Variants in CCNB3 observed in about 807,000 individuals in gnomAD.
The protein encoded by CCNB3 is cyclin B3.
CCNB3 carries 12 observed loss-of-function variants against 68.0 expected under a neutral mutation model. That is an observed-to-expected ratio of 0.18 (90% CI 0.11 to 0.29). The LOEUF (loss-of-function observed/expected upper bound fraction) is 0.29. Among genes scored for constraint, CCNB3 ranks in the 10% least tolerant of loss-of-function variants. CCNB3 has a pLI of 1.00. For synonymous variants in CCNB3, 354 were observed against 388.9 expected, an observed-to-expected ratio of 0.91 and a Z score of 1.06; for missense variants, 904 against 993.1, an observed-to-expected ratio of 0.91 and a Z score of 1.21.
intron 1 of CCNB3, among the ~76,000 whole-genome samples, chrX:50,228,025 AATAT>A (rs1181709306): frequency 1.0e-4 from 9 of 85,924 alleles, no homozygotes; most frequent in Non-Finnish European, 1.7e-4. Context: ...ATATAGAGAG[AATAT>A]ATATAGAGAG....
At chrX:50,226,048 A>G (rs1230668569) in intron 1 of CCNB3, among the ~76,000 whole-genome samples, 4 of 82,962 alleles carry the variant, frequency 4.8e-5, no homozygotes, top group African/African-American at 1.7e-4. Flanking sequence ...TATATATACA[A>G]ATATATATAG....
chrX:50,280,987 C>G (rs1936126397), intron 1 of CCNB3, among the ~76,000 whole-genome samples: 1 of 110,108 alleles, frequency 9.1e-6, no homozygotes, highest in Non-Finnish European at 1.9e-5. Flanking sequence ...TCTCCAACTC[C>G]TGTCCTCAAG....
rs73493797 is a variant in CCNB3 at position 50,285,045 on chromosome X, T to C, written c.-37-82T>C. Reference sequence around the variant, plus strand: ...TGTTTTCTCCTAGGGATGCTATAGATAGACTGGGTTTTCTCAAGAATTTTC... The same window carrying C: ...TGTTTTCTCCTAGGGATGCTATAGACAGACTGGGTTTTCTCAAGAATTTTC... On this transcript the variant is annotated intron_variant, in intron 2 of 12. Coordinates refer to ENST00000376042, the MANE Select transcript of CCNB3 (RefSeq NM_033031.3). The C allele has an allele frequency of 7.3e-3, 3,928 of 540,084 alleles. 107 individuals carry two copies. The African/African-American group carries it at 0.082, about 11-fold the overall frequency. 44.5% of individuals were successfully genotyped at this position (540,084 alleles called of 1,213,427 possible).
intron 8 of CCNB3, among the ~76,000 whole-genome samples, chrX:50,323,401 A>G (rs1922134382): frequency 1.2e-5 from 1 of 86,844 alleles, no homozygotes; most frequent in African/African-American, 4.2e-5. Context: ...GGAACATCAC[A>G]CACTGGGGCC....
At chrX:50,222,461 G>T (rs1935687811) in intron 1 of CCNB3, among the ~76,000 whole-genome samples, 1 of 111,185 alleles carries the variant, frequency 9.0e-6, no homozygotes, top group Non-Finnish European at 1.9e-5. Flanking sequence ...GGCAGGCCTG[G>T]TGGTGACAAA....
chrX:50,332,075 C>T (rs993792781), intron 8 of CCNB3, among the ~76,000 whole-genome samples: 8 of 111,866 alleles, frequency 7.2e-5, no homozygotes, highest in African/African-American at 2.6e-4. Flanking sequence ...TAGCCTTTTT[C>T]CCAATCAAAA....
intron 1 of CCNB3, among the ~76,000 whole-genome samples, chrX:50,279,320 T>TTTA (rs1335828213): frequency 0.019 from 1,380 of 73,305 alleles, 33 homozygotes; most frequent in African/African-American, 0.081. Context: ...ATTTAATATA[T>TTTA]ATTTAAATAT....
At chrX:50,347,872 G>T in intron 11 of CCNB3, 97 bp downstream of exon 11, 1 of 899,018 alleles carries the variant, frequency 1.1e-6, no homozygotes, top group Non-Finnish European at 1.5e-6. Context: ...GGAAACTCTT[G>T]GGGACAAAAC....
chrX:50,207,752 A>T (rs1461020569), intron 1 of CCNB3, among the ~76,000 whole-genome samples: 7 of 112,111 alleles, frequency 6.2e-5, no homozygotes. Flanking sequence ...GCTTTGTTGA[A>T]ATATGATTCA....
chrX:50,209,611 C>T (rs1935450628), intron 1 of CCNB3, among the ~76,000 whole-genome samples: 1 of 112,183 alleles, frequency 8.9e-6, no homozygotes, highest in East Asian at 2.8e-4. Flanking sequence ...CCGCCTTGGT[C>T]TCCCAAAGTG....
At chrX:50,281,837 G>A (rs1936141814) in intron 1 of CCNB3, among the ~76,000 whole-genome samples, 1 of 111,338 alleles carries the variant, frequency 9.0e-6, no homozygotes, top group South Asian at 3.8e-4. Context: ...CATGTCTTTT[G>A]AGCTACAGGT....
Position 50,347,541 on chromosome X carries a change from G to T in CCNB3, c.3811-85G>T. The T allele has an allele frequency of 7.3e-6, 7 of 960,233 alleles. No individual in the cohort carries two copies. In the South Asian group the frequency reaches 1.6e-4, roughly 22 times the overall value. 79.1% of individuals were successfully genotyped at this position (960,233 alleles called of 1,213,427 possible). ...CTCAAACAGAGGGCCACTGAGGCTC[G>T]GGATGATGTAACTGGAGAGGGAGTC... On this transcript the variant is annotated intron_variant, in intron 10 of 12. Coordinates refer to ENST00000376042, the MANE Select transcript of CCNB3 (RefSeq NM_033031.3).
rs17003323 is a variant in CCNB3 at position 50,344,462 on chromosome X, G to T, written c.3654+2123G>T. 3.9e-3 allele frequency among the ~76,000 whole-genome samples: 442 copies of T among 112,538 alleles called. 4 individuals carry two copies. Among genetic ancestry groups the T allele is most frequent in the African/African-American group, 0.014 (419 of 30,994 alleles). On this transcript the variant is annotated intron_variant, in intron 9 of 12. Transcript: ENST00000376042. ...CCCTCTTCCCAAAGCAGAGAAGCTG[G>T]TGTTGGTTGGCAATGGTGGTGTATT... is the stretch of plus-strand genomic sequence containing the variant.
intron 8 of CCNB3, among the ~76,000 whole-genome samples, chrX:50,336,368 G>A (rs957322549): frequency 8.9e-6 from 1 of 112,052 alleles, no homozygotes; most frequent in Admixed American, 9.4e-5. Context: ...GTAAGTCGGT[G>A]TTTCACCTGG....
intron 10 of CCNB3, 111 bp downstream of exon 10, chrX:50,346,918 G>A: frequency 1.2e-6 from 1 of 806,969 alleles, no homozygotes; most frequent in East Asian, 3.6e-5. Flanking sequence ...CAGGCAGCAG[G>A]GAGCTTTCTC....
intron 8 of CCNB3, among the ~76,000 whole-genome samples, chrX:50,323,312 C>T (rs1472113265): frequency 9.2e-6 from 1 of 108,922 alleles, no homozygotes; most frequent in African/African-American, 3.3e-5. Context: ...AGCAAACTAT[C>T]GCAAGGACAA....
rs2147062856 is a variant in CCNB3, at chrX:50,310,695, G to T, written c.2526G>T (p.Glu842Asp). The change falls in exon 6 of 13, where the codon GAG becomes GAT. Residue 842 changes from glutamate to aspartate, a missense_variant. Physicochemically the swap from Glu to Asp is conservative, Grantham distance 45. This residue lies in a region of CCNB3 where 619 missense variants were observed against 609.8 expected (regional missense o/e 1.02). Transcript: ENST00000376042. ...ALQEEPSTEK[E>D]AVLKEPSVDT... Reference sequence around the variant, plus strand: ...AGGAGGAGCCCAGCACTGAGAAGGAGGCTGTCCTCAAGGAGCCCAGTGTTG... The same window carrying T: ...AGGAGGAGCCCAGCACTGAGAAGGATGCTGTCCTCAAGGAGCCCAGTGTTG... 8 of 1,209,642 alleles carry T rather than the reference G, an allele frequency of 6.6e-6. No homozygotes were observed. The highest frequency in any genetic ancestry group is 8.9e-6 in the Non-Finnish European group (8 of 894,812).
At chrX:50,223,502 TC>T (rs1469437403) in intron 1 of CCNB3, among the ~76,000 whole-genome samples, 2 of 112,298 alleles carry the variant, frequency 1.8e-5, no homozygotes, top group East Asian at 5.6e-4. Context: ...TTGTTAGTTT[TC>T]CTTCTAACAG....
In CCNB3 at chrX:50,310,226, G is replaced by A; in HGVS notation, c.2057G>A (p.Ser686Asn). ...FSLHVKHTNK[S>N]GSLFQEALVL... ...TTGCATGTTAAGCATACCAACAAAA[G>A]TGGGTCCCTCTTCCAGGAGGCTTTG... The change falls in exon 6 of 13, where the codon AGT (serine) becomes AAT (asparagine). Residue 686 changes from serine to asparagine, a missense_variant. Ser to Asn is a conservative substitution (Grantham distance 46). Transcript: ENST00000376042. 8.3e-7 allele frequency: 1 copy of A among 1,209,822 alleles called. No individual in the cohort carries two copies. Among genetic ancestry groups the A allele is most frequent in the East Asian group, 3.0e-5 (1 of 33,764 alleles).
Sources: gnomAD v4.1 joint callset for allele counts (sites outside exome capture counted in the v4.1 genomes callset) on GRCh38, gnomAD v4.1.1 for gene constraint, gnomAD v4.1.1 regional missense constraint, MANE v1.5 for transcripts, NCBI Gene and HGNC (gene_info 2026-07-23, HGNC 2026-07-21) for gene names.